The following GPAM variants were observed in gnomAD, a reference collection of about 807,000 sequenced individuals.
The protein encoded by GPAM is glycerol-3-phosphate acyltransferase, mitochondrial, also known as glycerol-3-phosphate acyltransferase 1, mitochondrial.
Under a neutral mutation model 105.0 loss-of-function variants are expected in GPAM, and 56 were observed. The ratio of observed to expected loss-of-function variants is 0.53; its 90% CI spans 0.43 to 0.67. The LOEUF is 0.67. Ranked by LOEUF, GPAM falls within the 30% of genes least tolerant of loss-of-function variation. The probability of loss-of-function intolerance (pLI) is 0.00; values close to 1 mark genes in which losing one functional copy is unlikely to be tolerated. For missense variants in GPAM, 855 were observed against 989.8 expected (o/e 0.86, Z 1.83); for synonymous variants, 368 against 354.4 (o/e 1.04, Z -0.43).
chr10:112,201,882 A>G (rs1212355499), intron 1 of GPAM, among the ~76,000 whole-genome samples: 1 of 152,232 alleles, frequency 6.6e-6, no homozygotes, highest in Non-Finnish European at 1.5e-5. Flanking sequence ...TAAAAGAATG[A>G]AAGATCATCA....
At chr10:112,189,289 T>A (rs7091744) in intron 1 of GPAM, among the ~76,000 whole-genome samples, 50 of 152,350 alleles carry the variant, frequency 3.3e-4, no homozygotes, top group African/African-American at 1.2e-3. Context: ...TATATATTTA[T>A]AGAATATCTA....
upstream of GPAM, among the ~76,000 whole-genome samples, chr10:112,217,444 T>G (rs906126605): frequency 2.6e-5 from 4 of 152,066 alleles, no homozygotes; most frequent in African/African-American, 7.2e-5. Context: ...TTGTTTGTTT[T>G]TTTTTTTTGT....
At chr10:112,165,587 G>C (rs1371327244) in intron 12 of GPAM, among the ~76,000 whole-genome samples, 1 of 152,172 alleles carries the variant, frequency 6.6e-6, no homozygotes, top group Non-Finnish European at 1.5e-5. Flanking sequence ...CTACTTAGGA[G>C]GCTGACGCAG....
chr10:112,176,254 C>T (rs1011961447), intron 5 of GPAM, among the ~76,000 whole-genome samples: 1 of 152,146 alleles, frequency 6.6e-6, no homozygotes, highest in Non-Finnish European at 1.5e-5. Context: ...AATATTTGTA[C>T]TCTAGGCTAA....
Position 112,211,035 on chromosome 10 carries a change from G to A in GPAM, n.210+4133C>T, listed in dbSNP as rs1340815977. 2.0e-5 allele frequency among the ~76,000 whole-genome samples: 3 copies of A among 152,236 alleles called. No individual in the cohort carries two copies. The South Asian group carries it at 6.2e-4, about 31-fold the overall frequency. On this transcript the variant is annotated intron_variant and non_coding_transcript_variant, in intron 1 of 3. Transcript: ENST00000480130. ...CAGGCAGGACGTGCAGGTGCTTGGA[G>A]AGGAAGGACACAGAGAACTGGGTCT...
chr10:112,150,410 G>C lies in GPAM; in HGVS notation c.*3140C>G, dbSNP rs1395926446. 1.0e-6 allele frequency: 1 copy of C among 985,716 alleles called. No homozygotes were observed. The highest frequency in any genetic ancestry group is 1.2e-6 in the Non-Finnish European group (1 of 829,918). The allele number at this position is 985,716 out of a possible 1,614,324, so 61.1% of individuals were successfully genotyped here. ...GGGCTGTTCTCTCTATCAAAGGAAA[G>C]AGCTCCGATCACCTACATTATAATT... is the stretch of plus-strand genomic sequence containing the variant. On this transcript the variant is annotated 3_prime_UTR_variant, in exon 22 of 22. Coordinates refer to ENST00000348367, the MANE Select transcript of GPAM (RefSeq NM_001244949.2).
upstream of GPAM, among the ~76,000 whole-genome samples, chr10:112,216,683 G>A (rs867480615): frequency 2.2e-4 from 34 of 151,804 alleles, no homozygotes; most frequent in African/African-American, 7.7e-4. Context: ...GAGTGCAGTG[G>A]TGTGATCTTG....
chr10:112,199,853 G>A (rs749075365), intron 1 of GPAM, among the ~76,000 whole-genome samples: 48 of 151,906 alleles, frequency 3.2e-4, no homozygotes, highest in Admixed American at 1.5e-3. Context: ...TGGGGGAACC[G>A]CCCCCCATGA....
At chr10:112,199,303 G>A (rs1847765118) in intron 1 of GPAM, among the ~76,000 whole-genome samples, 1 of 152,140 alleles carries the variant, frequency 6.6e-6, no homozygotes, top group Non-Finnish European at 1.5e-5. Flanking sequence ...GGCACAGACA[G>A]ACAAATATGC....
chr10:112,206,799 C>T (rs1412392788), intron 1 of GPAM, among the ~76,000 whole-genome samples: 13 of 147,360 alleles, frequency 8.8e-5, no homozygotes, highest in Non-Finnish European at 1.6e-4. Flanking sequence ...TACACATGTA[C>T]CCTAAAACTT....
chr10:112,170,360 G>A (rs144211320), intron 9 of GPAM, among the ~76,000 whole-genome samples: 1 of 152,170 alleles, frequency 6.6e-6, no homozygotes, highest in Non-Finnish European at 1.5e-5. Context: ...ACAAAAGAAA[G>A]CTGCACAAAA....
Position 112,198,806 on chromosome 10 carries a change from G to C in GPAM, n.211-15915C>G, listed in dbSNP as rs1427054483. Among the ~76,000 whole-genome samples, 5 of 152,228 alleles carry C rather than the reference G, an allele frequency of 3.3e-5. No individual in the cohort carries two copies. In the South Asian group the frequency reaches 1.0e-3, roughly 32 times the overall value. ...GTTGATGGAAGAGTGGGTAAAGAAAGTATGGTGTATATACACAACGGACTA... is the reference window on the plus strand; with the variant it reads ...GTTGATGGAAGAGTGGGTAAAGAAACTATGGTGTATATACACAACGGACTA... On this transcript the variant is annotated intron_variant and non_coding_transcript_variant, in intron 1 of 3. Coordinates refer to the GPAM transcript ENST00000480130.
chr10:112,189,750 C>A (rs529455269), intron 1 of GPAM, among the ~76,000 whole-genome samples: 1 of 152,292 alleles, frequency 6.6e-6, no homozygotes, highest in South Asian at 2.1e-4. Flanking sequence ...CAGCTGGCAC[C>A]GCTTCCTTTT....
chr10:112,156,223 C>A, intron 19 of GPAM, 170 bp from the exon 20 acceptor site: 1 of 649,334 alleles, frequency 1.5e-6, no homozygotes, highest in East Asian at 2.7e-5. Context: ...CTGCTGGAAA[C>A]AACTGCTGGC....
At chr10:112,163,979 C>A (rs972779883) in intron 13 of GPAM, among the ~76,000 whole-genome samples, 163 bp from the exon 14 acceptor site, 3 of 152,188 alleles carry the variant, frequency 2.0e-5, no homozygotes. Flanking sequence ...TAATATACTA[C>A]ATTATGGCCT....
At position 112,152,307 on chromosome 10, in the gene GPAM, C is replaced by A. The variant is rs993848594; in HGVS notation, c.*1243G>T. ...AATAAACCAATAATTATGCTCCCTGCTCACAAAAGGCACCTACCAATTATG... is the reference window on the plus strand; with the variant it reads ...AATAAACCAATAATTATGCTCCCTGATCACAAAAGGCACCTACCAATTATG... On this transcript the variant is annotated 3_prime_UTR_variant, in exon 22 of 22. Coordinates refer to ENST00000348367, the MANE Select transcript of GPAM (RefSeq NM_001244949.2). The A allele has an allele frequency of 1.1e-4, 108 of 984,282 alleles. No homozygotes were observed. In the African/African-American group the frequency reaches 1.7e-3, roughly 16 times the overall value. 61.0% of individuals were successfully genotyped at this position (984,282 alleles called of 1,614,324 possible). A position where few individuals can be genotyped will look rare whatever the true frequency, so the allele number is the denominator to read the frequency against.
At chr10:112,175,254 A>G (rs576126564) in intron 6 of GPAM, among the ~76,000 whole-genome samples, 54 of 152,334 alleles carry the variant, frequency 3.5e-4, no homozygotes, top group South Asian at 2.5e-3. Flanking sequence ...TCTTTCGGCT[A>G]TAAAATAGGA....
At chr10:112,177,834 T>C (rs1429794936) in intron 5 of GPAM, 150 bp downstream of exon 5, 3 of 597,110 alleles carry the variant, frequency 5.0e-6, no homozygotes, top group Non-Finnish European at 9.2e-6. Flanking sequence ...GCTATACTGC[T>C]TCCAATTTTC....
chr10:112,209,886 A>T (rs1281707320), intron 1 of GPAM, among the ~76,000 whole-genome samples: 1 of 152,220 alleles, frequency 6.6e-6, no homozygotes, highest in Non-Finnish European at 1.5e-5. Context: ...TGAAGCCCAT[A>T]ACACAGCTAC....
Sources: allele counts gnomAD v4.1 joint callset (sites outside exome capture counted in the v4.1 genomes callset), GRCh38; gene constraint gnomAD v4.1.1; transcripts MANE v1.5; gene names NCBI Gene and HGNC (gene_info 2026-07-23, HGNC 2026-07-21).